SNX13: variants seen among roughly 807,000 people sequenced by gnomAD.
The protein encoded by SNX13 is sorting nexin-13.
SNX13 carries 45 observed loss-of-function variants against 133.6 expected under a neutral mutation model. That is an observed-to-expected ratio of 0.34 (90% confidence interval 0.27 to 0.43). The LOEUF (loss-of-function observed/expected upper bound fraction) is 0.43, where lower values mean the gene tolerates loss of function less well. SNX13 is among the 20% of genes least tolerant of loss of function. SNX13 has a pLI of 1.00. For missense variants in SNX13, 1,032 were observed against 1,145.1 expected, an observed-to-expected ratio of 0.90 and a Z score of 1.43; for synonymous variants, 414 against 373.9, an observed-to-expected ratio of 1.11 and a Z score of -1.24.
chr7:17,901,305 G>C (rs1797806098), intron 1 of SNX13, among the ~76,000 whole-genome samples: 1 of 152,162 alleles, frequency 6.6e-6, no homozygotes, highest in Non-Finnish European at 1.5e-5. Context: ...TGGTGCAAGT[G>C]CTCTCTTCGT....
chr7:17,859,832 C>T (rs1345006667), intron 9 of SNX13, among the ~76,000 whole-genome samples: 1 of 151,796 alleles, frequency 6.6e-6, no homozygotes, highest in African/African-American at 2.4e-5. Flanking sequence ...ACAGGATTTC[C>T]TTTTTTTTGG....
At chr7:17,827,047 T>C (rs79173028) in intron 16 of SNX13, among the ~76,000 whole-genome samples, 29 of 152,252 alleles carry the variant, frequency 1.9e-4, no homozygotes, top group Admixed American at 5.9e-4. Context: ...ACTTTCCTTC[T>C]AGGAGTCCAG....
At chr7:17,862,838 CATATT>C (rs1792885716) in intron 9 of SNX13, among the ~76,000 whole-genome samples, 1 of 152,068 alleles carries the variant, frequency 6.6e-6, no homozygotes, top group South Asian at 2.1e-4. Context: ...ACAGGAACAC[CATATT>C]AAATAACCGT....
intron 1 of SNX13, chr7:17,899,539 T>A (rs954692846): frequency 1.3e-5 from 2 of 151,906 alleles, no homozygotes; most frequent in African/African-American, 4.8e-5. Flanking sequence ...AATTAGCCTG[T>A]CTTCAAGTTC....
At chr7:17,839,703 G>A in intron 13 of SNX13, 104 bp downstream of exon 13, 3 of 855,902 alleles carry the variant, frequency 3.5e-6, no homozygotes, top group Non-Finnish European at 5.2e-6. Context: ...ATCGATTAAA[G>A]GAGACAATGT....
chr7:17,794,862 G>GT (rs1562638451), intron 25 of SNX13: 1 of 151,630 alleles, frequency 6.6e-6, no homozygotes. Context: ...CCCTGGCATA[G>GT]TAACTATACC....
Position 17,805,250 on chromosome 7 carries a change from T to TGTGTGTGTGTGTGC in SNX13, c.2065-1671_2065-1670insGCACACACACACAC. ...GTGTGTGTGTGTGTGTGTGTGTGTG[T>TGTGTGTGTGTGTGC]GCGTGCGCGCGCGCGCATGCATGCA... On this transcript the variant is annotated intron_variant, in intron 20 of 25. Transcript: ENST00000428135. 3.0e-3 allele frequency among the ~76,000 whole-genome samples: 286 copies of TGTGTGTGTGTGTGC among 95,568 alleles called. 2 individuals carry two copies. The highest frequency in any genetic ancestry group is 7.5e-3 in the African/African-American group (238 of 31,846). 62.7% of individuals were successfully genotyped at this position (95,568 alleles called of 152,430 possible).
chr7:17,830,248 G>C (rs1788338079), intron 15 of SNX13: 5 of 982,118 alleles, frequency 5.1e-6, no homozygotes, highest in South Asian at 4.7e-5. Flanking sequence ...AGGCATTTAA[G>C]TGACAATATA....
chr7:17,926,209 T>G (rs1440481822), intron 1 of SNX13, among the ~76,000 whole-genome samples: 2 of 152,142 alleles, frequency 1.3e-5, no homozygotes, highest in African/African-American at 4.8e-5. Flanking sequence ...TAGGTAACTG[T>G]ATAACGGGTG....
chr7:17,913,665 C>G (rs1799235668), intron 1 of SNX13, among the ~76,000 whole-genome samples: 1 of 150,208 alleles, frequency 6.7e-6, no homozygotes, highest in African/African-American at 2.4e-5. Context: ...ACAAAGCCAA[C>G]TGATCACAAG....
At position 17,791,305 on chromosome 7, in the gene SNX13, CTGAT is replaced by C. The variant is rs1783511988; in HGVS notation, c.*2736_*2739del. On this transcript the variant is annotated 3_prime_UTR_variant, in exon 26 of 26. Coordinates refer to ENST00000428135, the MANE Select transcript of SNX13 (RefSeq NM_015132.5). ...TGGTACACTTTCTGGTAGCACTTAA[CTGAT>C]TGATTTTTCTTCCCAAATACCAGCA... is the stretch of plus-strand genomic sequence containing the variant. 2 of 151,398 alleles carry C rather than the reference CTGAT, an allele frequency of 1.3e-5. No homozygotes were observed. The highest frequency in any genetic ancestry group is 4.2e-4 in the South Asian group (2 of 4,816). 9.4% of individuals were successfully genotyped at this position (151,398 alleles called of 1,614,324 possible).
At chr7:17,817,922 C>T (rs567404046) in intron 18 of SNX13, among the ~76,000 whole-genome samples, 2 of 152,152 alleles carry the variant, frequency 1.3e-5, no homozygotes, top group Admixed American at 1.3e-4. Context: ...GAAGCCCTAA[C>T]ATTCAGTGCC....
intron 5 of SNX13, among the ~76,000 whole-genome samples, chr7:17,887,600 T>G (rs1183769565): frequency 6.6e-6 from 1 of 152,202 alleles, no homozygotes; most frequent in Non-Finnish European, 1.5e-5. Context: ...AGACAAAAAA[T>G]GTATGTGTTT....
chr7:17,885,369 G>A (rs1469783625), intron 5 of SNX13, among the ~76,000 whole-genome samples: 1 of 151,448 alleles, frequency 6.6e-6, no homozygotes, highest in Non-Finnish European at 1.5e-5. Flanking sequence ...GACTGACAAT[G>A]GATATAAGGT....
At chr7:17,797,547 T>C (rs1459075229) in intron 24 of SNX13, among the ~76,000 whole-genome samples, 12 of 151,902 alleles carry the variant, frequency 7.9e-5, no homozygotes, top group Non-Finnish European at 1.3e-4. Context: ...GGGAATTTGG[T>C]GTAAGGGCAA....
chr7:17,887,194 C>T (rs538796826), intron 5 of SNX13, among the ~76,000 whole-genome samples: 64 of 152,298 alleles, frequency 4.2e-4, no homozygotes, highest in African/African-American at 1.5e-3. Context: ...CCCCTTACAA[C>T]TCTAAGTTTG....
intron 9 of SNX13, among the ~76,000 whole-genome samples, chr7:17,857,442 A>G (rs1383588677): frequency 2.0e-5 from 3 of 152,142 alleles, no homozygotes; most frequent in Admixed American, 6.5e-5. Flanking sequence ...AAAAAAGAAA[A>G]CTACAAGCTC....
intron 1 of SNX13, among the ~76,000 whole-genome samples, chr7:17,908,505 A>G (rs1380584729): frequency 6.6e-6 from 1 of 152,140 alleles, no homozygotes; most frequent in East Asian, 1.9e-4. Context: ...TCTCCCATGA[A>G]GCAAACCTTC....
chr7:17,898,939 C>T (rs1583681719), intron 1 of SNX13: 1 of 152,176 alleles, frequency 6.6e-6, no homozygotes, highest in Non-Finnish European at 1.5e-5. Context: ...TGCCTGCTAA[C>T]GAAGTTTCTG....
Sources: gnomAD v4.1 joint callset for allele counts (sites outside exome capture counted in the v4.1 genomes callset) on GRCh38, gnomAD v4.1.1 for gene constraint, MANE v1.5 for transcripts, NCBI Gene and HGNC (gene_info 2026-07-23, HGNC 2026-07-21) for gene names.